Variants in INHBA observed in about 807,000 individuals in gnomAD.
INHBA encodes the protein inhibin subunit beta A.
Under a neutral mutation model 29.0 loss-of-function variants are expected in INHBA, and 1 was observed. That is an observed-to-expected ratio of 0.03 (90% CI 0.01 to 0.16). INHBA has a LOEUF of 0.16. Ranked by LOEUF, INHBA falls within the 10% of genes least tolerant of loss-of-function variation. The pLI is 1.00. For synonymous variants in INHBA, 242 were observed against 216.8 expected, an observed-to-expected ratio of 1.12 and a Z score of -1.02; for missense variants, 376 against 545.4, an observed-to-expected ratio of 0.69 and a Z score of 3.09.
Position 41,689,774 on chromosome 7 carries a change from T to C in INHBA, c.1157A>G (p.Asn386Ser), listed in dbSNP as rs1361491625. ...YRMRGHSPFA[N>S]LKSCCVPTKL... ...GGTGGGCACACAGCACGATTTGAGG[T>C]TGGCAAAGGGGCTATGGCCCCGCAT... The change falls in exon 3 of 3, where the codon AAC (asparagine) becomes AGC (serine). Residue 386 changes from asparagine to serine, a missense_variant. By Grantham distance (46) the Asn-to-Ser change is conservative (BLOSUM62 1). Coordinates refer to ENST00000242208, the MANE Select transcript of INHBA (RefSeq NM_002192.4). The C allele has an allele frequency of 1.2e-6, 2 of 1,614,070 alleles. No homozygotes were observed. Among genetic ancestry groups the C allele is most frequent in the Non-Finnish European group, 1.7e-6 (2 of 1,179,998 alleles).
At position 41,700,420 on chromosome 7, in the gene INHBA, T is replaced by C; in HGVS notation, c.-46A>G. 7 of 1,379,078 alleles carry C rather than the reference T, an allele frequency of 5.1e-6. No homozygotes were observed. The highest frequency in any genetic ancestry group is 5.6e-6 in the Non-Finnish European group (6 of 1,062,744). 85.4% of individuals were successfully genotyped at this position (1,379,078 alleles called of 1,614,324 possible). A position where few individuals can be genotyped will look rare whatever the true frequency, so the allele number is the denominator to read the frequency against. On this transcript the variant is annotated 5_prime_UTR_variant, in exon 2 of 3. Coordinates refer to ENST00000242208, the MANE Select transcript of INHBA (RefSeq NM_002192.4). The stretch of plus-strand genomic sequence containing the variant: ...TGATTGCCTTTTTAAAAGGCCCTGC[T>C]TTTCCTCCCCCCTCACGCGCAGGTT...
In INHBA at chr7:41,700,305, G is replaced by A; in HGVS notation, c.70C>T (p.Pro24Ser). ...CWIIVRSSPTPGSEGHSAAPD... is the reference protein window; with the variant it reads ...CWIIVRSSPTSGSEGHSAAPD... The stretch of plus-strand genomic sequence containing the variant: ...GCCGCGCTGTGCCCCTCGGATCCTG[G>A]GGTGGGGGAACTCCTCACTATAATC... Residue 24 changes from proline to serine, a missense_variant, in exon 2 of 3, where the codon CCA (proline) becomes TCA (serine). Pro to Ser is a moderately conservative substitution (Grantham distance 74, BLOSUM62 -1). This residue lies in a region of INHBA where 71 missense variants were observed against 77.0 expected (regional missense o/e 0.92). Transcript: ENST00000242208. 2 of 1,573,262 alleles carry A rather than the reference G, an allele frequency of 1.3e-6. No homozygotes were observed. Among genetic ancestry groups the A allele is most frequent in the East Asian group, 2.3e-5 (1 of 44,436 alleles).
At position 41,685,481 on chromosome 7, in the gene INHBA, A is replaced by G. The variant is rs944645848; in HGVS notation, c.*4169T>C. ...CAAAACAAAACAAAACAAAAAACAA[A>G]GTAAAAAACCAACAAAATAGAAACA... is the stretch of plus-strand genomic sequence containing the variant. On this transcript the variant is annotated 3_prime_UTR_variant, in exon 3 of 3. Coordinates refer to ENST00000242208, the MANE Select transcript of INHBA (RefSeq NM_002192.4). 7 of 152,082 alleles carry G rather than the reference A, an allele frequency of 4.6e-5. No individual in the cohort carries two copies. Among genetic ancestry groups the G allele is most frequent in the Admixed American group, 3.3e-4 (5 of 15,270 alleles). 9.4% of individuals were successfully genotyped at this position (152,082 alleles called of 1,614,324 possible).
upstream of INHBA, among the ~76,000 whole-genome samples, chr7:41,704,684 C>A (rs1388817105): frequency 6.7e-6 from 1 of 148,546 alleles, no homozygotes; most frequent in African/African-American, 2.5e-5. Flanking sequence ...GGGTGGGGGG[C>A]ACAAAACAAA....
chr7:41,701,350 G>T (rs545734855), intron 1 of INHBA, among the ~76,000 whole-genome samples: 8 of 152,122 alleles, frequency 5.3e-5, no homozygotes, highest in African/African-American at 1.9e-4. Flanking sequence ...GGTAACAGAG[G>T]ATTGTTCTGG....
chr7:41,704,293 G>C (rs952743461), upstream of INHBA, among the ~76,000 whole-genome samples: 234 of 152,102 alleles, frequency 1.5e-3, 2 homozygotes, highest in Non-Finnish European at 1.5e-4. Flanking sequence ...TGTGGGTGCT[G>C]AGCTGCATGG....
At chr7:41,701,228 C>T (rs982640034) in intron 1 of INHBA, among the ~76,000 whole-genome samples, 2 of 152,072 alleles carry the variant, frequency 1.3e-5, no homozygotes, top group African/African-American at 4.8e-5. Context: ...CCCCTCCACC[C>T]AGCCAAGCCA....
chr7:41,693,462 T>C (rs1269504665), intron 2 of INHBA, among the ~76,000 whole-genome samples: 1 of 152,134 alleles, frequency 6.6e-6, no homozygotes, highest in Non-Finnish European at 1.5e-5. Flanking sequence ...CGTGTGCAAA[T>C]TGCTTTTTTA....
chr7:41,696,845 A>G (rs2128670591), intron 2 of INHBA, among the ~76,000 whole-genome samples: 1 of 152,266 alleles, frequency 6.6e-6, no homozygotes, highest in East Asian at 1.9e-4. Context: ...TCTTCCATAC[A>G]TAGTATCCTC....
chr7:41,696,569 G>A (rs1276927282), intron 2 of INHBA, among the ~76,000 whole-genome samples: 2 of 152,074 alleles, frequency 1.3e-5, no homozygotes, highest in Non-Finnish European at 2.9e-5. Context: ...ACGCGCAACT[G>A]CCTTTCCCTG....
intron 2 of INHBA, among the ~76,000 whole-genome samples, chr7:41,696,820 A>G (rs1794660280): frequency 6.6e-6 from 1 of 152,098 alleles, no homozygotes; most frequent in African/African-American, 2.4e-5. Flanking sequence ...GGGCAGTGCA[A>G]ACTTCTAACT....
intron 1 of INHBA, among the ~76,000 whole-genome samples, chr7:41,701,415 G>A (rs1010796320): frequency 1.3e-5 from 2 of 152,106 alleles, no homozygotes; most frequent in Non-Finnish European, 2.9e-5. Flanking sequence ...ATATTTAAAT[G>A]TTCAGGTCAT....
intron 1 of INHBA, 37 bp downstream of exon 1, chr7:41,702,968 T>C (rs1268112180): frequency 1.3e-5 from 2 of 152,234 alleles, no homozygotes; most frequent in African/African-American, 2.4e-5. Context: ...TCTTTGAATG[T>C]GTAAAGAGCT....
chr7:41,692,078 G>A (rs1336335867), intron 2 of INHBA: 1 of 152,174 alleles, frequency 6.6e-6, no homozygotes, highest in African/African-American at 2.4e-5. Flanking sequence ...GCAACTGTAT[G>A]TTTAATGACA....
chr7:41,697,029 G>A (rs1372400210), intron 2 of INHBA, among the ~76,000 whole-genome samples: 1 of 152,060 alleles, frequency 6.6e-6, no homozygotes, highest in Non-Finnish European at 1.5e-5. Flanking sequence ...AGACTTAGAG[G>A]TACATTATTA....
chr7:41,705,115 G>A (rs944887325), upstream of INHBA, among the ~76,000 whole-genome samples: 1 of 152,188 alleles, frequency 6.6e-6, no homozygotes, highest in Non-Finnish European at 1.5e-5. Flanking sequence ...CTGGGAATCA[G>A]CTTTTCCCTG....
At chr7:41,698,377 G>A (rs1373412996) in intron 2 of INHBA, among the ~76,000 whole-genome samples, 1 of 152,166 alleles carries the variant, frequency 6.6e-6, no homozygotes, top group Non-Finnish European at 1.5e-5. Context: ...CATGTGTGGA[G>A]GTTGGTATAC....
At position 41,690,516 on chromosome 7, in the gene INHBA, C is replaced by T; in HGVS notation, c.415G>A (p.Glu139Lys). 4 of 1,607,794 alleles carry T rather than the reference C, an allele frequency of 2.5e-6. 1 individual carries two copies. The East Asian group carries it at 6.7e-5, about 27-fold the overall frequency. Residue 139 changes from glutamate to lysine, a missense_variant, in exon 3 of 3, where the codon GAG becomes AAG. Transcript: ENST00000242208. Reference sequence around the variant, plus strand: ...AGGTCACTGCCTTCCTTGGAAATCTCGAAGTGCAGCGTCTTCCTGGCTGTT... The same window carrying T: ...AGGTCACTGCCTTCCTTGGAAATCTTGAAGTGCAGCGTCTTCCTGGCTGTT... ...SGTARKTLHF[E>K]ISKEGSDLSV...
chr7:41,698,448 G>A (rs1365624393), intron 2 of INHBA, among the ~76,000 whole-genome samples: 1 of 152,128 alleles, frequency 6.6e-6, no homozygotes, highest in Admixed American at 6.5e-5. Flanking sequence ...GCCAAATATT[G>A]TAAATATTTT....
Sources: allele counts gnomAD v4.1 joint callset (sites outside exome capture counted in the v4.1 genomes callset), GRCh38; gene constraint gnomAD v4.1.1; regional missense constraint gnomAD v4.1.1; transcripts MANE v1.5; gene names NCBI Gene and HGNC (gene_info 2026-07-23, HGNC 2026-07-21).